The following HEXIM1 variants were observed in gnomAD, a reference collection of about 807,000 sequenced individuals.
The protein encoded by HEXIM1 is protein HEXIM1.
Under a neutral mutation model 30.3 loss-of-function variants are expected in HEXIM1, and 1 was observed. The ratio of observed to expected loss-of-function variants is 0.03; its 90% CI spans 0.01 to 0.16. The LOEUF is 0.16. Ranked by LOEUF, HEXIM1 falls within the 10% of genes least tolerant of loss-of-function variation. The probability of loss-of-function intolerance (pLI) is 1.00; values close to 1 mark genes in which losing one functional copy is unlikely to be tolerated. For missense variants in HEXIM1, 391 were observed against 476.4 expected (o/e 0.82, Z 1.67); for synonymous variants, 245 against 208.3 (o/e 1.18, Z -1.52).
In HEXIM1 at chr17:45,150,536, TATA is replaced by T. The variant is rs2055540837; in HGVS notation, c.*269_*271del. 1 of 432,836 alleles carries T rather than the reference TATA, an allele frequency of 2.3e-6. No homozygotes were observed. Among genetic ancestry groups the T allele is most frequent in the African/African-American group, 2.0e-5 (1 of 49,136 alleles). The allele number at this position is 432,836 out of a possible 1,614,324, so 26.8% of individuals were successfully genotyped here. On this transcript the variant is annotated 3_prime_UTR_variant, in exon 1 of 1. Transcript: ENST00000332499. The stretch of plus-strand genomic sequence containing the variant: ...TAATGTGAAAGTAATTTGACCAAGT[TATA>T]ATGCATTTTTGTTTTTAACAAATCC...
In HEXIM1 at chr17:45,148,504, A is replaced by T; in HGVS notation, c.-687A>T. The T allele has an allele frequency of 5.9e-6, 2 of 341,630 alleles. No individual in the cohort carries two copies. Among genetic ancestry groups the T allele is most frequent in the Non-Finnish European group, 1.0e-5 (2 of 193,526 alleles). 21.2% of individuals were successfully genotyped at this position (341,630 alleles called of 1,614,324 possible). A position where few individuals can be genotyped will look rare whatever the true frequency, so the allele number is the denominator to read the frequency against. On this transcript the variant is annotated 5_prime_UTR_variant, in exon 1 of 1. Transcript: ENST00000332499. The stretch of plus-strand genomic sequence containing the variant: ...GTTGGAAGTTGGCAGGTGGAGAGGC[A>T]GGTTGGGAGGGAAAGTCGGGGGAGG...
rs1341562716 is a variant in HEXIM1, at chr17:45,151,437, A to G, written c.*1167A>G. 1 of 167,048 alleles carries G rather than the reference A, an allele frequency of 6.0e-6. No homozygotes were observed. Among genetic ancestry groups the G allele is most frequent in the Non-Finnish European group, 1.5e-5 (1 of 68,120 alleles). The allele number at this position is 167,048 out of a possible 1,614,324, so 10.3% of individuals were successfully genotyped here. The stretch of plus-strand genomic sequence containing the variant: ...TCCTCAGCTGAATGAGGAACCCTGT[A>G]CATCCCCTTGCACAGCCCTATTCTA... On this transcript the variant is annotated 3_prime_UTR_variant, in exon 1 of 1. Coordinates refer to ENST00000332499, the MANE Select transcript of HEXIM1 (RefSeq NM_006460.3).
chr17:45,151,562 CAG>C lies in HEXIM1; in HGVS notation c.*1294_*1295del, dbSNP rs899071410. ...ACTAAATTTTGCCCCAAAATAAAAA[CAG>C]AAATTATGAGATTGCCTCCTGTCAT... On this transcript the variant is annotated 3_prime_UTR_variant, in exon 1 of 1. Transcript: ENST00000332499. 5.4e-5 allele frequency: 9 copies of C among 167,062 alleles called. No individual in the cohort carries two copies. Among genetic ancestry groups the C allele is most frequent in the East Asian group, 3.8e-4 (2 of 5,204 alleles). 10.3% of individuals were successfully genotyped at this position (167,062 alleles called of 1,614,324 possible). A position where few individuals can be genotyped will look rare whatever the true frequency, so the allele number is the denominator to read the frequency against.
At position 45,149,218 on chromosome 17, in the gene HEXIM1, C is replaced by A; in HGVS notation, c.28C>A (p.Gln10Lys). 6.2e-7 allele frequency: 1 copy of A among 1,612,934 alleles called. No individual in the cohort carries two copies. Among genetic ancestry groups the A allele is most frequent in the Non-Finnish European group, 8.5e-7 (1 of 1,179,736 alleles). MAEPFLSEY[Q>K]HQPQTSNCTG... ...GGCCGAGCCATTCTTGTCAGAATAT[C>A]AACACCAGCCTCAAACTAGCAACTG... is the stretch of plus-strand genomic sequence containing the variant. The change falls in exon 1 of 1, where the codon CAA (glutamine) becomes AAA (lysine). Residue 10 changes from glutamine to lysine, a missense_variant. Physicochemically the swap from Gln to Lys is moderately conservative, Grantham distance 53. Transcript: ENST00000332499. This position sits in a 1 kb window ranked among gnomAD's most constrained non-coding sequence, Gnocchi z 5.3.
chr17:45,148,605 G>C lies in HEXIM1; in HGVS notation c.-586G>C, dbSNP rs761927518. The C allele has an allele frequency of 8.0e-5, 32 of 399,520 alleles. No homozygotes were observed. The highest frequency in any genetic ancestry group is 6.2e-4 in the Middle Eastern group (1 of 1,620). The allele number at this position is 399,520 out of a possible 1,614,324, so 24.7% of individuals were successfully genotyped here. The stretch of plus-strand genomic sequence containing the variant: ...AGGAGGCGGAGGAGAACTGAGCAGA[G>C]CAGAGCATCGAGCCAAAGGGGAGAT... On this transcript the variant is annotated 5_prime_UTR_variant, in exon 1 of 1. Coordinates refer to ENST00000332499, the MANE Select transcript of HEXIM1 (RefSeq NM_006460.3).
chr17:45,149,476 G>A lies in HEXIM1; in HGVS notation c.286G>A (p.Asp96Asn), dbSNP rs372722263. ...REGEKGQNGD[D>N]SSAGGDFPPP... is the part of the protein sequence containing the mutation. ...GGGCGAGAAGGGCCAGAATGGGGAC[G>A]ACTCGTCCGCTGGCGGCGACTTCCC... Residue 96 changes from aspartate to asparagine, a missense_variant, in exon 1 of 1, where the codon GAC becomes AAC. Coordinates refer to ENST00000332499, the MANE Select transcript of HEXIM1 (RefSeq NM_006460.3). This position sits in a 1 kb window ranked among gnomAD's most constrained non-coding sequence, Gnocchi z 5.3. The A allele has an allele frequency of 1.2e-6, 2 of 1,611,934 alleles. No homozygotes were observed. Among genetic ancestry groups the A allele is most frequent in the Non-Finnish European group, 1.7e-6 (2 of 1,179,492 alleles).
rs973464517 is a variant in HEXIM1 at position 45,150,823 on chromosome 17, T to A, written c.*553T>A. The A allele has an allele frequency of 1.8e-5, 3 of 169,024 alleles. No individual in the cohort carries two copies. Among genetic ancestry groups the A allele is most frequent in the Non-Finnish European group, 4.3e-5 (3 of 69,414 alleles). The allele number at this position is 169,024 out of a possible 1,614,324, so 10.5% of individuals were successfully genotyped here. ...AATTTTTTCCTTGAATGGGTTTAAG[T>A]ATGCTACAATATACAGTTCAGGCAA... On this transcript the variant is annotated 3_prime_UTR_variant, in exon 1 of 1. Coordinates refer to ENST00000332499, the MANE Select transcript of HEXIM1 (RefSeq NM_006460.3).
In HEXIM1 at chr17:45,150,360, C is replaced by CT; in HGVS notation, c.*95dup. Reference sequence around the variant, plus strand: ...TACATGTGTATATAAGACAGTGGACCTTTTTATGACACATAATCAGAAGAG... The same window carrying CT: ...TACATGTGTATATAAGACAGTGGACCTTTTTTATGACACATAATCAGAAGAG... On this transcript the variant is annotated 3_prime_UTR_variant, in exon 1 of 1. Coordinates refer to ENST00000332499, the MANE Select transcript of HEXIM1 (RefSeq NM_006460.3). 1 of 1,436,792 alleles carries CT rather than the reference C, an allele frequency of 7.0e-7. No homozygotes were observed. The highest frequency in any genetic ancestry group is 1.4e-5 in the South Asian group (1 of 73,056). 89.0% of individuals were successfully genotyped at this position (1,436,792 alleles called of 1,614,324 possible).
rs1024367583 is a variant in HEXIM1 at position 45,151,797 on chromosome 17, C to A, written c.*1527C>A. On this transcript the variant is annotated 3_prime_UTR_variant, in exon 1 of 1. Coordinates refer to ENST00000332499, the MANE Select transcript of HEXIM1 (RefSeq NM_006460.3). ...TCAAGAGATTCATAAGATTGTCAAACTCCTTGAAGGTTCAGAACCTCTGCA... is the reference window on the plus strand; with the variant it reads ...TCAAGAGATTCATAAGATTGTCAAAATCCTTGAAGGTTCAGAACCTCTGCA... 2 of 167,090 alleles carry A rather than the reference C, an allele frequency of 1.2e-5. No homozygotes were observed. The highest frequency in any genetic ancestry group is 4.8e-5 in the African/African-American group (2 of 41,458). 10.4% of individuals were successfully genotyped at this position (167,090 alleles called of 1,614,324 possible).
chr17:45,149,377 G>C lies in HEXIM1; in HGVS notation c.187G>C (p.Gly63Arg), dbSNP rs751673575. ...GTTGGGTGGCCGTCCGGGGCCGGAG[G>C]GGGAAGGGAGCCTGGAATCCCAACC... Reference protein sequence around the residue: ...PQLGGRPGPEGEGSLESQPPP... With the variant: ...PQLGGRPGPEREGSLESQPPP... The change falls in exon 1 of 1, where the codon GGG (glycine) becomes CGG (arginine). Residue 63 changes from glycine to arginine, a missense_variant. Physicochemically the swap from Gly to Arg is moderately radical, Grantham distance 125. Around this residue, in one of 5 missense-constraint regions of HEXIM1, gnomAD observed 230 missense variants for 199.4 expected, o/e 1.15. Transcript: ENST00000332499. The surrounding 1 kb of genome is among the most constrained non-coding windows in gnomAD (Gnocchi z 5.3). 6.8e-6 allele frequency: 11 copies of C among 1,613,312 alleles called. No individual in the cohort carries two copies. The highest frequency in any genetic ancestry group is 9.3e-6 in the Non-Finnish European group (11 of 1,179,940).
chr17:45,149,119 T>A lies in HEXIM1; in HGVS notation c.-72T>A. The A allele has an allele frequency of 2.1e-6, 3 of 1,430,760 alleles. No homozygotes were observed. The highest frequency in any genetic ancestry group is 1.3e-5 in the South Asian group (1 of 75,058). 88.6% of individuals were successfully genotyped at this position (1,430,760 alleles called of 1,614,324 possible). A position where few individuals can be genotyped will look rare whatever the true frequency, so the allele number is the denominator to read the frequency against. ...GTTTTTTTTTTCTTTTTCTTTTTTT[T>A]AAGAAAAACCCATTTTTTTCCTTAA... On this transcript the variant is annotated 5_prime_UTR_variant, in exon 1 of 1. Transcript: ENST00000332499. This position sits in a 1 kb window ranked among gnomAD's most constrained non-coding sequence, Gnocchi z 5.3.
At position 45,149,009 on chromosome 17, in the gene HEXIM1, A is replaced by C; in HGVS notation, c.-182A>C. ...AACCCTTTACTGACTTGAGCTCCCCAGATTGCAGTTGGAGTTTGCTGATAG... is the reference window on the plus strand; with the variant it reads ...AACCCTTTACTGACTTGAGCTCCCCCGATTGCAGTTGGAGTTTGCTGATAG... On this transcript the variant is annotated 5_prime_UTR_variant, in exon 1 of 1. Transcript: ENST00000332499. This position sits in a 1 kb window ranked among gnomAD's most constrained non-coding sequence, Gnocchi z 5.3. 1 of 620,488 alleles carries C rather than the reference A, an allele frequency of 1.6e-6. No homozygotes were observed. The highest frequency in any genetic ancestry group is 2.7e-6 in the Non-Finnish European group (1 of 371,708). 38.4% of individuals were successfully genotyped at this position (620,488 alleles called of 1,614,324 possible). A position where few individuals can be genotyped will look rare whatever the true frequency, so the allele number is the denominator to read the frequency against.
Position 45,149,502 on chromosome 17 carries a change from G to A in HEXIM1, c.312G>A (p.Pro104=), listed in dbSNP as rs1461739245. 3 of 1,608,970 alleles carry A rather than the reference G, an allele frequency of 1.9e-6. No individual in the cohort carries two copies. The highest frequency in any genetic ancestry group is 2.7e-5 in the African/African-American group (2 of 74,840). Residue 104 remains proline (P), a synonymous_variant, in exon 1 of 1, where the codon CCG becomes CCA. Coordinates refer to ENST00000332499, the MANE Select transcript of HEXIM1 (RefSeq NM_006460.3). The surrounding 1 kb of genome is among the most constrained non-coding windows in gnomAD (Gnocchi z 5.3). ...GDDSSAGGDF[P]PPAEVEPTPE... ...ACTCGTCCGCTGGCGGCGACTTCCC[G>A]CCGCCGGCAGAAGTGGAACCGACGC...
Position 45,149,370 on chromosome 17 carries a change from G to C in HEXIM1, c.180G>C (p.Gly60=). Residue 60 remains glycine, a synonymous_variant, in exon 1 of 1, where the codon GGG becomes GGC. Coordinates refer to ENST00000332499, the MANE Select transcript of HEXIM1 (RefSeq NM_006460.3). The surrounding 1 kb of genome is among the most constrained non-coding windows in gnomAD (Gnocchi z 5.3). The part of the protein sequence containing the change: ...RAFPQLGGRP[G]PEGEGSLESQ... ...TCCCCCAGTTGGGTGGCCGTCCGGG[G>C]CCGGAGGGGGAAGGGAGCCTGGAAT... 1 of 1,613,438 alleles carries C rather than the reference G, an allele frequency of 6.2e-7. No homozygotes were observed. Among genetic ancestry groups the C allele is most frequent in the Non-Finnish European group, 8.5e-7 (1 of 1,179,926 alleles).
rs2055534180 is a variant in HEXIM1 at position 45,149,887 on chromosome 17, T to C, written c.697T>C (p.Ser233Pro). 1.2e-6 allele frequency: 2 copies of C among 1,613,138 alleles called. No homozygotes were observed. The highest frequency in any genetic ancestry group is 4.5e-5 in the East Asian group (2 of 44,846). ...GLYSKRAAAK[S>P]DDTSDDDFME... ...GTACTCCAAGCGGGCCGCCGCCAAA[T>C]CCGACGACACCAGCGATGACGACTT... Residue 233 changes from serine (S) to proline (P), a missense_variant, in exon 1 of 1, where the codon TCC (serine) becomes CCC (proline). By Grantham distance (74) the Ser-to-Pro change is moderately conservative (BLOSUM62 -1). This residue lies in a region of HEXIM1 where 38 missense variants were observed against 40.0 expected (regional missense o/e 0.95). Transcript: ENST00000332499. This position sits in a 1 kb window ranked among gnomAD's most constrained non-coding sequence, Gnocchi z 5.3.
In HEXIM1 at chr17:45,149,123, A is replaced by G. The variant is rs559367587; in HGVS notation, c.-68A>G. 13 of 1,426,954 alleles carry G rather than the reference A, an allele frequency of 9.1e-6. No homozygotes were observed. Among genetic ancestry groups the G allele is most frequent in the South Asian group, 5.3e-5 (4 of 74,782 alleles). 88.4% of individuals were successfully genotyped at this position (1,426,954 alleles called of 1,614,324 possible). A position where few individuals can be genotyped will look rare whatever the true frequency, so the allele number is the denominator to read the frequency against. On this transcript the variant is annotated 5_prime_UTR_variant, in exon 1 of 1. Transcript: ENST00000332499. This position sits in a 1 kb window ranked among gnomAD's most constrained non-coding sequence, Gnocchi z 5.3. The stretch of plus-strand genomic sequence containing the variant: ...TTTTTTTCTTTTTCTTTTTTTTAAG[A>G]AAAACCCATTTTTTTCCTTAAGGAC...
At position 45,150,292 on chromosome 17, in the gene HEXIM1, G is replaced by C. The variant is rs2055538137; in HGVS notation, c.*22G>C. On this transcript the variant is annotated 3_prime_UTR_variant, in exon 1 of 1. Transcript: ENST00000332499. Reference sequence around the variant, plus strand: ...CTAGACTGAAACTTTTTTGGGGGAGGGGGCAAAGGGGACTTTTTACAGTGA... The same window carrying C: ...CTAGACTGAAACTTTTTTGGGGGAGCGGGCAAAGGGGACTTTTTACAGTGA... The C allele has an allele frequency of 6.2e-7, 1 of 1,600,302 alleles. No homozygotes were observed. Among genetic ancestry groups the C allele is most frequent in the Admixed American group, 1.7e-5 (1 of 58,930 alleles).
Position 45,149,495 on chromosome 17 carries a change from A to C in HEXIM1, c.305A>C (p.Asp102Ala). 3.7e-6 allele frequency: 6 copies of C among 1,609,448 alleles called. No individual in the cohort carries two copies. Among genetic ancestry groups the C allele is most frequent in the Non-Finnish European group, 5.1e-6 (6 of 1,178,588 alleles). ...QNGDDSSAGGDFPPPAEVEPT... is the reference protein window; with the variant it reads ...QNGDDSSAGGAFPPPAEVEPT... Reference sequence around the variant, plus strand: ...GGGGACGACTCGTCCGCTGGCGGCGACTTCCCGCCGCCGGCAGAAGTGGAA... The same window carrying C: ...GGGGACGACTCGTCCGCTGGCGGCGCCTTCCCGCCGCCGGCAGAAGTGGAA... Residue 102 changes from aspartate (D) to alanine (A), a missense_variant, in exon 1 of 1, where the codon GAC (aspartate) becomes GCC (alanine). Transcript: ENST00000332499. This position sits in a 1 kb window ranked among gnomAD's most constrained non-coding sequence, Gnocchi z 5.3.
In HEXIM1 at chr17:45,149,285, G is replaced by GC. The variant is rs767170073; in HGVS notation, c.101dup (p.Gly35ArgfsTer12). The GC allele has an allele frequency of 6.2e-7, 1 of 1,613,656 alleles. No homozygotes were observed. ...GTCCAGGAAGAGCTGAACCCTGAGC[G>GC]CCCCCCAGGCGCGGAGGAGCGGGTG... On this transcript the variant is annotated frameshift_variant, in exon 1 of 1. Transcript: ENST00000332499. LOFTEE classifies it high-confidence loss of function. The surrounding 1 kb of genome is among the most constrained non-coding windows in gnomAD (Gnocchi z 5.3).
Sources: gnomAD v4.1 joint callset for allele counts on GRCh38, gnomAD v4.1.1 for gene constraint, gnomAD v4.1.1 regional missense constraint, Gnocchi (gnomAD v3.1) non-coding constraint, MANE v1.5 for transcripts, NCBI Gene and HGNC (gene_info 2026-07-23, HGNC 2026-07-21) for gene names.